Variants in ARHGAP15 observed in about 807,000 individuals in gnomAD.
ARHGAP15 encodes rho GTPase-activating protein 15.
Under a neutral mutation model 63.7 loss-of-function variants are expected in ARHGAP15, and 51 were observed. The observed-to-expected ratio is 0.80, with a 90% CI of 0.64 to 1.01. The LOEUF is 1.01. Ranked by LOEUF, ARHGAP15 falls within the 50% of genes least tolerant of loss-of-function variation. ARHGAP15 has a pLI of 0.00. For missense variants in ARHGAP15, 560 were observed against 564.6 expected, an observed-to-expected ratio of 0.99 and a Z score of 0.08; for synonymous variants, 191 against 193.8, an observed-to-expected ratio of 0.99 and a Z score of 0.12.
intron 12 of ARHGAP15, among the ~76,000 whole-genome samples, chr2:143,630,676 GC>G (rs1315114010): frequency 6.6e-6 from 1 of 151,992 alleles, no homozygotes; most frequent in Non-Finnish European, 1.5e-5. Flanking sequence ...TAAATAATAT[GC>G]CTAAACCTCG....
At chr2:143,752,536 GGCT>G (rs1249385682) in intron 13 of ARHGAP15, among the ~76,000 whole-genome samples, 2 of 152,176 alleles carry the variant, frequency 1.3e-5, no homozygotes, top group African/African-American at 4.8e-5. Context: ...TTGCCAGTCA[GGCT>G]GCGAGTGACC....
At position 143,202,203 on chromosome 2, in the gene ARHGAP15, G is replaced by T. The variant is rs1295542394; in HGVS notation, c.234+1G>T. On this transcript the variant is annotated splice_donor_variant, in intron 3 of 13. Coordinates refer to ENST00000295095, the MANE Select transcript of ARHGAP15 (RefSeq NM_018460.4). LOFTEE classifies it high-confidence loss of function. ...TGTCATTCCTCCATTGGAACAACTGGTGAGTGTTTAAGTCATTATATTCTT... is the reference window on the plus strand; with the variant it reads ...TGTCATTCCTCCATTGGAACAACTGTTGAGTGTTTAAGTCATTATATTCTT... The T allele has an allele frequency of 6.2e-7, 1 of 1,609,014 alleles. No individual in the cohort carries two copies. The highest frequency in any genetic ancestry group is 1.3e-5 in the African/African-American group (1 of 74,862).
intron 6 of ARHGAP15, among the ~76,000 whole-genome samples, chr2:143,255,300 A>G (rs1680364578): frequency 6.6e-6 from 1 of 152,056 alleles, no homozygotes; most frequent in African/African-American, 2.4e-5. Flanking sequence ...TAACCTCAAC[A>G]AATATCATGG....
chr2:143,569,290 G>A (rs1696362027), intron 11 of ARHGAP15, among the ~76,000 whole-genome samples: 1 of 152,134 alleles, frequency 6.6e-6, no homozygotes, highest in African/African-American at 2.4e-5. Context: ...TCAGGCTCTG[G>A]TGGATCATCC....
At chr2:143,539,136 ACTT>A (rs1559037254) in intron 10 of ARHGAP15, among the ~76,000 whole-genome samples, 6 of 152,178 alleles carry the variant, frequency 3.9e-5, no homozygotes, top group East Asian at 1.9e-4. Flanking sequence ...GAACTTATCC[ACTT>A]CTTCTAGATT....
intron 8 of ARHGAP15, among the ~76,000 whole-genome samples, chr2:143,468,450 A>T (rs990736641): frequency 1.3e-5 from 2 of 152,132 alleles, no homozygotes; most frequent in African/African-American, 4.8e-5. Flanking sequence ...AACTGGTTCC[A>T]GGGTTTCATA....
chr2:143,561,930 G>A (rs1485352851), intron 11 of ARHGAP15, among the ~76,000 whole-genome samples: 1 of 152,104 alleles, frequency 6.6e-6, no homozygotes, highest in Non-Finnish European at 1.5e-5. Flanking sequence ...AATCTTGTTT[G>A]TGTGTTTGTG....
rs756683903 is a variant in ARHGAP15, at chr2:143,598,615, C to T, written c.1004-25518C>T. ...ATCTACTGCAGCAATGAGCTGTTCA[C>T]TCTTTTTGGGCTGGGCTCAGTAGTT... On this transcript the variant is annotated intron_variant, in intron 11 of 13. Transcript: ENST00000295095. Among the ~76,000 whole-genome samples, 26 of 152,112 alleles carry T rather than the reference C, an allele frequency of 1.7e-4. 1 individual carries two copies. Among genetic ancestry groups the T allele is most frequent in the Non-Finnish European group, 2.2e-4 (15 of 68,012 alleles).
intron 2 of ARHGAP15, among the ~76,000 whole-genome samples, chr2:143,180,495 C>T (rs1368072466): frequency 1.3e-5 from 2 of 152,182 alleles, no homozygotes; most frequent in African/African-American, 4.8e-5. Flanking sequence ...GATTGGAATA[C>T]ACTTCTTTCA....
At chr2:143,459,582 T>C (rs1389893172) in intron 8 of ARHGAP15, among the ~76,000 whole-genome samples, 3 of 152,176 alleles carry the variant, frequency 2.0e-5, no homozygotes, top group African/African-American at 7.2e-5. Context: ...TACCTATGCT[T>C]TCTGTATACA....
chr2:143,269,282 G>T (rs1202191734), intron 6 of ARHGAP15, among the ~76,000 whole-genome samples: 1 of 152,094 alleles, frequency 6.6e-6, no homozygotes, highest in Non-Finnish European at 1.5e-5. Context: ...GAATTTAGAT[G>T]ATATTTAACA....
intron 6 of ARHGAP15, among the ~76,000 whole-genome samples, chr2:143,375,381 T>C (rs1184516099): frequency 6.6e-6 from 1 of 152,204 alleles, no homozygotes; most frequent in Admixed American, 6.5e-5. Flanking sequence ...TCTGTGACTT[T>C]TATGGCCTGA....
At chr2:143,217,495 C>A (rs1692800961) in intron 4 of ARHGAP15, among the ~76,000 whole-genome samples, 1 of 152,146 alleles carries the variant, frequency 6.6e-6, no homozygotes, top group Non-Finnish European at 1.5e-5. Context: ...TCTGGAGTGG[C>A]CCTGCAGCCA....
chr2:143,703,300 T>C (rs1415909781), intron 12 of ARHGAP15, 119 bp from the exon 13 acceptor site: 2 of 625,714 alleles, frequency 3.2e-6, no homozygotes, highest in African/African-American at 1.9e-5. Flanking sequence ...CTTTGACTAC[T>C]GACTAGGACT....
chr2:143,556,046 C>T (rs990026581), intron 10 of ARHGAP15, among the ~76,000 whole-genome samples: 2 of 151,942 alleles, frequency 1.3e-5, no homozygotes, highest in South Asian at 2.1e-4. Context: ...ACAAATGTCT[C>T]GAGTTATTTT....
chr2:143,667,582 TAA>T (rs71338146), intron 12 of ARHGAP15, among the ~76,000 whole-genome samples: 10,629 of 138,982 alleles, frequency 0.076, 676 homozygotes, highest in East Asian at 0.31. Context: ...TAAAAAAAAT[TAA>T]AAAAAAAAAA....
intron 11 of ARHGAP15, chr2:143,608,400 T>C (rs1343519138): frequency 6.6e-6 from 1 of 152,228 alleles, no homozygotes; most frequent in African/African-American, 2.4e-5. Flanking sequence ...ACTAGAAATA[T>C]TGTCAGTAAG....
intron 9 of ARHGAP15, among the ~76,000 whole-genome samples, chr2:143,514,965 G>T (rs922689566): frequency 2.6e-5 from 4 of 152,140 alleles, no homozygotes; most frequent in African/African-American, 9.6e-5. Flanking sequence ...TCAAAGAAAT[G>T]GGGGAAAATA....
chr2:143,360,546 C>G (rs2105334308), intron 6 of ARHGAP15, among the ~76,000 whole-genome samples: 1 of 152,036 alleles, frequency 6.6e-6, no homozygotes, highest in African/African-American at 2.4e-5. Flanking sequence ...TTTCCTCTGT[C>G]CAAGAGTTTT....
Sources: allele counts gnomAD v4.1 joint callset (sites outside exome capture counted in the v4.1 genomes callset), GRCh38; gene constraint gnomAD v4.1.1; transcripts MANE v1.5; gene names NCBI Gene and HGNC (gene_info 2026-07-23, HGNC 2026-07-21).